Variants in FGD6 observed in about 807,000 individuals in gnomAD.
FGD6 encodes the protein FYVE, RhoGEF and PH domain-containing protein 6.
In FGD6, 90 loss-of-function variants were observed where a neutral mutation model predicts 149.4. The ratio of observed to expected loss-of-function variants is 0.60; its 90% CI spans 0.51 to 0.72. The LOEUF (loss-of-function observed/expected upper bound fraction) is 0.72, where lower values mean the gene tolerates loss of function less well. Ranked by LOEUF, FGD6 falls within the 30% of genes least tolerant of loss-of-function variation. FGD6 has a pLI of 0.00. For synonymous variants in FGD6, 527 were observed against 584.0 expected (o/e 0.90, Z 1.41); for missense variants, 1,437 against 1,684.8 (o/e 0.85, Z 2.57).
At chr12:95,204,874 T>C (rs2056685881) in intron 2 of FGD6, among the ~76,000 whole-genome samples, 1 of 152,240 alleles carries the variant, frequency 6.6e-6, no homozygotes, top group African/African-American at 2.4e-5. Flanking sequence ...AAATACACTC[T>C]GAGTTCCAAA....
chr12:95,163,241 C>T (rs1880698495), intron 3 of FGD6, among the ~76,000 whole-genome samples: 1 of 152,132 alleles, frequency 6.6e-6, no homozygotes, highest in African/African-American at 2.4e-5. Flanking sequence ...TGTGTCTGTC[C>T]CTTTGCGCAT....
At chr12:95,170,616 T>C (rs951098619) in intron 3 of FGD6, among the ~76,000 whole-genome samples, 1 of 152,196 alleles carries the variant, frequency 6.6e-6, no homozygotes, top group African/African-American at 2.4e-5. Context: ...TACTCCAGCC[T>C]GGGCAACAAG....
chr12:95,109,278 G>A (rs1878734207), intron 9 of FGD6, among the ~76,000 whole-genome samples: 1 of 152,162 alleles, frequency 6.6e-6, no homozygotes, highest in Non-Finnish European at 1.5e-5. Context: ...CAGCTTTGGG[G>A]CTGCAGTTAT....
intron 2 of FGD6, among the ~76,000 whole-genome samples, chr12:95,194,791 T>C (rs1183298383): frequency 6.6e-6 from 1 of 152,178 alleles, no homozygotes; most frequent in African/African-American, 2.4e-5. Context: ...AATATACTAG[T>C]TGTGATTCTT....
chr12:95,122,430 G>A (rs1391780743), intron 8 of FGD6, among the ~76,000 whole-genome samples: 1 of 151,938 alleles, frequency 6.6e-6, no homozygotes, highest in Non-Finnish European at 1.5e-5. Flanking sequence ...TGGATCACCT[G>A]AGGACAGGAG....
At chr12:95,127,095 T>C (rs1031592554) in intron 8 of FGD6, among the ~76,000 whole-genome samples, 5 of 152,144 alleles carry the variant, frequency 3.3e-5, no homozygotes, top group African/African-American at 4.8e-5. Flanking sequence ...CTAGATTCCT[T>C]GTCTGGAGTG....
chr12:95,092,961 C>G, intron 15 of FGD6, 116 bp from the exon 16 acceptor site: 1 of 1,200,840 alleles, frequency 8.3e-7, no homozygotes, highest in South Asian at 1.5e-5. Context: ...CAGCTCACGC[C>G]TGTAATCCCA....
chr12:95,160,769 C>T (rs1880615249), intron 3 of FGD6, among the ~76,000 whole-genome samples: 1 of 152,174 alleles, frequency 6.6e-6, no homozygotes, highest in Non-Finnish European at 1.5e-5. Context: ...GAGGCTGAGG[C>T]AGGAGAATCG....
chr12:95,107,502 C>T (rs1338218695), intron 12 of FGD6, 61 bp downstream of exon 12: 1 of 1,550,022 alleles, frequency 6.5e-7, no homozygotes, highest in Admixed American at 1.7e-5. Context: ...GTATAAACGT[C>T]TCCTTTCCTT....
Position 95,084,584 on chromosome 12 carries a change from C to T in FGD6, c.4170G>A (p.Glu1390=). 3 of 1,608,932 alleles carry T rather than the reference C, an allele frequency of 1.9e-6. No homozygotes were observed. Among genetic ancestry groups the T allele is most frequent in the South Asian group, 1.1e-5 (1 of 89,470 alleles). The change falls in exon 20 of 21, where the codon GAG becomes GAA. Residue 1390 remains glutamate, a synonymous_variant. Coordinates refer to ENST00000343958, the MANE Select transcript of FGD6 (RefSeq NM_018351.4). The stretch of plus-strand genomic sequence containing the variant: ...ACTGAAATACTTTAGACTCGGAATT[C>T]TCATCTTTAACTTGAATAACAGTGA... ...LGFTVIQVKD[E]NSESKVFQLL...
chr12:95,111,149 T>C (rs1878810204), intron 9 of FGD6, among the ~76,000 whole-genome samples: 1 of 152,098 alleles, frequency 6.6e-6, no homozygotes, highest in Admixed American at 6.6e-5. Context: ...GCCCCACTAA[T>C]CTTTGTATTT....
intron 8 of FGD6, among the ~76,000 whole-genome samples, chr12:95,129,847 T>G (rs111847787): frequency 9.2e-5 from 14 of 152,070 alleles, no homozygotes; most frequent in East Asian, 1.9e-4. Context: ...TAATTTTTGT[T>G]TTTTTTTGTA....
intron 8 of FGD6, among the ~76,000 whole-genome samples, chr12:95,131,869 A>T (rs986557454): frequency 6.6e-6 from 1 of 152,028 alleles, no homozygotes; most frequent in African/African-American, 2.4e-5. Context: ...GCAAAACCAT[A>T]TCCCTACTAA....
intron 19 of FGD6, 98 bp downstream of exon 19, chr12:95,085,682 A>C: frequency 1.4e-6 from 2 of 1,390,662 alleles, no homozygotes; most frequent in East Asian, 2.4e-5. Flanking sequence ...CAAAGCAAAA[A>C]ATCTTATGTA....
At chr12:95,153,955 G>C (rs1298056319) in intron 3 of FGD6, among the ~76,000 whole-genome samples, 1 of 142,390 alleles carries the variant, frequency 7.0e-6, no homozygotes, top group Non-Finnish European at 1.5e-5. Context: ...GTGAGTGAGA[G>C]AGAGAAGAGA....
intron 19 of FGD6, chr12:95,085,437 A>C (rs1349168504): frequency 8.0e-6 from 2 of 249,540 alleles, no homozygotes; most frequent in Admixed American, 1.1e-4. Context: ...TCCTGACCTC[A>C]GGTGATCCAC....
chr12:95,152,340 C>CA (rs1880335885), intron 5 of FGD6, among the ~76,000 whole-genome samples: 1 of 151,238 alleles, frequency 6.6e-6, no homozygotes, highest in Non-Finnish European at 1.5e-5. Flanking sequence ...ATCAAAAAAA[C>CA]AAAAAAAAGT....
intron 2 of FGD6, among the ~76,000 whole-genome samples, chr12:95,204,097 C>T (rs1200674270): frequency 6.6e-6 from 1 of 152,190 alleles, no homozygotes; most frequent in African/African-American, 2.4e-5. Flanking sequence ...GGTCTCATAA[C>T]TATACTCCCA....
At chr12:95,202,160 T>C (rs2056667316) in intron 2 of FGD6, among the ~76,000 whole-genome samples, 1 of 151,758 alleles carries the variant, frequency 6.6e-6, no homozygotes, top group Non-Finnish European at 1.5e-5. Context: ...GAGGCCGAGG[T>C]GGGCTGACTT....
Sources: gnomAD v4.1 joint callset for allele counts (sites outside exome capture counted in the v4.1 genomes callset) on GRCh38, gnomAD v4.1.1 for gene constraint, MANE v1.5 for transcripts, NCBI Gene and HGNC (gene_info 2026-07-23, HGNC 2026-07-21) for gene names.